Variants in TASP1 observed in about 807,000 individuals in gnomAD.
The protein encoded by TASP1 is threonine aspartase 1.
Under a neutral mutation model 56.6 loss-of-function variants are expected in TASP1, and 16 were observed. The observed-to-expected ratio is 0.28, with a 90% CI of 0.19 to 0.43. The LOEUF (loss-of-function observed/expected upper bound fraction) is 0.43. TASP1 is among the 20% of genes least tolerant of loss of function. The pLI is 1.00. For missense variants in TASP1, 393 were observed against 511.6 expected (o/e 0.77, Z 2.24); for synonymous variants, 179 against 184.2 (o/e 0.97, Z 0.23).
the TASP1 span, among the ~76,000 whole-genome samples, chr20:13,172,314 A>T: frequency 6.6e-6 from 1 of 152,158 alleles, no homozygotes; most frequent in Admixed American, 6.5e-5. Context: ...TTTTCACCTA[A>T]AAAGGTAAAA....
rs62642460 is a variant in TASP1, at chr20:13,483,227, T to G, written c.985A>C (p.Ser329Arg). 6.3e-7 allele frequency: 1 copy of G among 1,577,950 alleles called. No homozygotes were observed. The highest frequency in any genetic ancestry group is 8.6e-7 in the Non-Finnish European group (1 of 1,162,144). The change falls in exon 11 of 14, where the codon AGT (serine) becomes CGT (arginine). Residue 329 changes from serine (S) to arginine (R), a missense_variant and splice_region_variant. Coordinates refer to ENST00000337743, the MANE Select transcript of TASP1 (RefSeq NM_017714.3). ...GTAATCTTCTTAATGTTATACTTAC[T>G]GATAAACTTGTTTTGCATAGTCTCC... ...LLETMQNKFI[S>R]SPFLASEDGV...
chr20:13,242,211 A>C, the TASP1 span, among the ~76,000 whole-genome samples: 51,776 of 151,924 alleles, frequency 0.34, 9,348 homozygotes, highest in African/African-American at 0.46. Context: ...GGTCATCTAC[A>C]TGGATGTTGA....
chr20:13,213,953 A>G, the TASP1 span, among the ~76,000 whole-genome samples: 2 of 152,318 alleles, frequency 1.3e-5, no homozygotes, highest in South Asian at 2.1e-4. Flanking sequence ...AGACCAAAAG[A>G]AAAAGGAGGA....
intron 12 of TASP1, among the ~76,000 whole-genome samples, chr20:13,420,696 G>A (rs765270000): frequency 5.9e-5 from 9 of 152,196 alleles, no homozygotes; most frequent in South Asian, 2.1e-4. Context: ...CTAACACTTA[G>A]AATCTAAGAT....
chr20:13,454,830 C>T (rs1448818753), intron 11 of TASP1, among the ~76,000 whole-genome samples: 3 of 152,088 alleles, frequency 2.0e-5, no homozygotes, highest in Non-Finnish European at 4.4e-5. Flanking sequence ...CCCCCATCAT[C>T]CTAATTCAGC....
intron 10 of TASP1, among the ~76,000 whole-genome samples, chr20:13,503,195 G>A (rs1261575445): frequency 6.6e-6 from 1 of 152,006 alleles, no homozygotes; most frequent in Non-Finnish European, 1.5e-5. Flanking sequence ...CAAGCCATGT[G>A]GGATGCCTTG....
At chr20:13,207,666 G>GT in the TASP1 span, among the ~76,000 whole-genome samples, 66 of 152,224 alleles carry the variant, frequency 4.3e-4, no homozygotes, top group Non-Finnish European at 7.6e-4. Flanking sequence ...TCTTCCTTCG[G>GT]TTTTTTGCTC....
the TASP1 span, among the ~76,000 whole-genome samples, chr20:13,338,015 A>C: frequency 1.3e-5 from 2 of 152,228 alleles, no homozygotes; most frequent in Non-Finnish European, 2.9e-5. Flanking sequence ...TGTGCAAAGA[A>C]GAATTCGAGG....
the TASP1 span, among the ~76,000 whole-genome samples, chr20:13,323,941 A>G: frequency 6.6e-6 from 1 of 152,128 alleles, no homozygotes; most frequent in Non-Finnish European, 1.5e-5. Flanking sequence ...CTTTCTTGTG[A>G]GTCTTTCTGA....
the TASP1 span, among the ~76,000 whole-genome samples, chr20:13,253,828 G>T: frequency 6.8e-6 from 1 of 148,136 alleles, no homozygotes; most frequent in Non-Finnish European, 1.5e-5. Flanking sequence ...TTAAAAAAAA[G>T]CTAAAATTAA....
intron 6 of TASP1, among the ~76,000 whole-genome samples, chr20:13,577,392 G>T (rs2046962222): frequency 6.6e-6 from 1 of 152,108 alleles, no homozygotes; most frequent in South Asian, 2.1e-4. Flanking sequence ...AAGTTAAAAT[G>T]AACACATCAT....
At chr20:13,571,222 TACTA>T (rs746580186) in intron 6 of TASP1, among the ~76,000 whole-genome samples, 187 of 152,324 alleles carry the variant, frequency 1.2e-3, no homozygotes, top group Middle Eastern at 0.01. Flanking sequence ...TGGATAAGGA[TACTA>T]ACTATCTACC....
chr20:13,360,138 C>T, the TASP1 span, among the ~76,000 whole-genome samples: 46 of 152,076 alleles, frequency 3.0e-4, no homozygotes, highest in African/African-American at 1.0e-3. Flanking sequence ...GGTGCCAAAC[C>T]CATATACTCT....
chr20:13,379,020 CTT>C, the TASP1 span, among the ~76,000 whole-genome samples: 1 of 152,266 alleles, frequency 6.6e-6, no homozygotes, highest in South Asian at 2.1e-4. Context: ...GGTCTTGACT[CTT>C]TATCCAATTT....
intron 10 of TASP1, among the ~76,000 whole-genome samples, chr20:13,520,059 T>C (rs2044682952): frequency 6.6e-6 from 1 of 152,106 alleles, no homozygotes; most frequent in Non-Finnish European, 1.5e-5. Context: ...GGAATCCAAC[T>C]TACAAGGGAA....
At chr20:13,535,664 C>G (rs1158240650) in intron 8 of TASP1, among the ~76,000 whole-genome samples, 2 of 152,212 alleles carry the variant, frequency 1.3e-5, no homozygotes, top group Admixed American at 1.3e-4. Flanking sequence ...CACTCCACAT[C>G]ACACTGAATG....
intron 8 of TASP1, among the ~76,000 whole-genome samples, chr20:13,557,698 A>G (rs1034663180): frequency 2.0e-5 from 3 of 146,730 alleles, no homozygotes; most frequent in Non-Finnish European, 4.4e-5. Context: ...CTCCTACCTC[A>G]GCCTCCCGAG....
At chr20:13,227,725 GTC>G in the TASP1 span, among the ~76,000 whole-genome samples, 1 of 151,228 alleles carries the variant, frequency 6.6e-6, no homozygotes, top group Non-Finnish European at 1.5e-5. Context: ...AGCCAGGATG[GTC>G]TCGATCTCCT....
At chr20:13,498,138 C>T (rs1481859612) in intron 10 of TASP1, among the ~76,000 whole-genome samples, 1 of 152,094 alleles carries the variant, frequency 6.6e-6, no homozygotes, top group Non-Finnish European at 1.5e-5. Flanking sequence ...AACTAAAGAG[C>T]TTTTGCACAG....
Sources: allele counts gnomAD v4.1 joint callset (sites outside exome capture counted in the v4.1 genomes callset), GRCh38; gene constraint gnomAD v4.1.1; transcripts MANE v1.5; gene names NCBI Gene and HGNC (gene_info 2026-07-23, HGNC 2026-07-21).